Variants in BPNT1 observed in about 807,000 individuals in gnomAD.
BPNT1 encodes 3'(2'),5'-bisphosphate nucleotidase 1.
Under a neutral mutation model 36.9 loss-of-function variants are expected in BPNT1, and 28 were observed. The ratio of observed to expected loss-of-function variants is 0.76; its 90% CI spans 0.56 to 1.04. BPNT1 has a LOEUF of 1.04. BPNT1 is among the 50% of genes least tolerant of loss of function. BPNT1 has a pLI of 0.00. For synonymous variants in BPNT1, 119 were observed against 130.9 expected (o/e 0.91, Z 0.62); for missense variants, 313 against 372.9 (o/e 0.84, Z 1.32).
chr1:220,068,317 G>A (rs1223159891), intron 5 of BPNT1, among the ~76,000 whole-genome samples: 1 of 151,934 alleles, frequency 6.6e-6, no homozygotes, highest in African/African-American at 2.4e-5. Context: ...ACAAGTAGCT[G>A]GGATTACAGA....
At chr1:220,081,042 G>A (rs1229344096) in intron 1 of BPNT1, among the ~76,000 whole-genome samples, 1 of 152,188 alleles carries the variant, frequency 6.6e-6, no homozygotes, top group African/African-American at 2.4e-5. Context: ...TTGGCTCACT[G>A]CAACCTCTGC....
At chr1:220,078,224 T>C (rs1460414963) in intron 2 of BPNT1, among the ~76,000 whole-genome samples, 4 of 147,006 alleles carry the variant, frequency 2.7e-5, no homozygotes, top group South Asian at 2.1e-4. Context: ...ATAAAGAATT[T>C]AAGGATTAAA....
intron 1 of BPNT1, among the ~76,000 whole-genome samples, chr1:220,082,077 TATATATATAGAGAG>T (rs904492549): frequency 2.7e-5 from 3 of 110,258 alleles, no homozygotes; most frequent in African/African-American, 9.5e-5. Context: ...TATATATATA[TATATATATAGAGAG>T]AGAGAGAGAG....
At chr1:220,078,894 C>T (rs1664852855) in intron 2 of BPNT1, among the ~76,000 whole-genome samples, 1 of 152,064 alleles carries the variant, frequency 6.6e-6, no homozygotes, top group Non-Finnish European at 1.5e-5. Context: ...CGCACCCGGT[C>T]AGAAGATTGT....
chr1:220,062,726 C>G lies in BPNT1; in HGVS notation c.672+31G>C, dbSNP rs558660096. 3 of 1,609,166 alleles carry G rather than the reference C, an allele frequency of 1.9e-6. No individual in the cohort carries two copies. In the East Asian group the frequency reaches 6.7e-5, roughly 36 times the overall value. ...TGAGTATTTCAATGATTCACTTGCA[C>G]TTCAGAGCAGATGACAGACATTTTT... On this transcript the variant is annotated intron_variant, in intron 7 of 8. Transcript: ENST00000322067.
intron 6 of BPNT1, among the ~76,000 whole-genome samples, chr1:220,064,204 C>T (rs904449132): frequency 6.6e-6 from 1 of 152,212 alleles, no homozygotes; most frequent in Non-Finnish European, 1.5e-5. Flanking sequence ...AAGATTGGCT[C>T]ATCTGTCTTC....
At chr1:220,072,666 G>A (rs1010194382) in intron 4 of BPNT1, among the ~76,000 whole-genome samples, 184 bp downstream of exon 4, 17 of 152,180 alleles carry the variant, frequency 1.1e-4, no homozygotes, top group African/African-American at 4.1e-4. Context: ...CCCATAGGAT[G>A]AGAAACTGAA....
At chr1:220,069,770 T>C (rs771674685) in intron 4 of BPNT1, among the ~76,000 whole-genome samples, 3 of 152,018 alleles carry the variant, frequency 2.0e-5, no homozygotes, top group Non-Finnish European at 4.4e-5. Flanking sequence ...ACCCCATCTC[T>C]ACTAAAAATA....
intron 2 of BPNT1, 72 bp downstream of exon 2, chr1:220,079,655 T>C: frequency 6.3e-7 from 1 of 1,584,156 alleles, no homozygotes; most frequent in Non-Finnish European, 8.6e-7. Context: ...TCTGTCCACA[T>C]TTTTATATCA....
chr1:220,058,810 T>A lies in BPNT1; in HGVS notation c.*34A>T, dbSNP rs1431815979. ...TCCCAAAGTGCTGGGATTACAGGCA[T>A]GAGCCACCGCGCCCGGCCAAATGAA... On this transcript the variant is annotated 3_prime_UTR_variant, in exon 9 of 9. Coordinates refer to ENST00000322067, the MANE Select transcript of BPNT1 (RefSeq NM_006085.6). 1 of 1,604,348 alleles carries A rather than the reference T, an allele frequency of 6.2e-7. No individual in the cohort carries two copies. The highest frequency in any genetic ancestry group is 8.5e-7 in the Non-Finnish European group (1 of 1,172,378).
At chr1:220,065,146 G>T (rs1571739644) in intron 6 of BPNT1, among the ~76,000 whole-genome samples, 1 of 151,978 alleles carries the variant, frequency 6.6e-6, no homozygotes, top group East Asian at 1.9e-4. Context: ...CAGTTATTCT[G>T]GAAAAAAATA....
At chr1:220,061,258 C>A (rs1452537018) in intron 7 of BPNT1, among the ~76,000 whole-genome samples, 2 of 152,232 alleles carry the variant, frequency 1.3e-5, no homozygotes, top group South Asian at 4.1e-4. Flanking sequence ...ACTGAGATCA[C>A]TGCTAGAACT....
chr1:220,062,303 CCCA>C (rs1558076728), intron 7 of BPNT1, among the ~76,000 whole-genome samples: 1 of 125,136 alleles, frequency 8.0e-6, no homozygotes, highest in East Asian at 2.7e-4. Context: ...CTCCCCCCAC[CCCA>C]CAACAGTCCC....
intron 1 of BPNT1, among the ~76,000 whole-genome samples, chr1:220,081,517 T>G (rs1267886548): frequency 6.6e-6 from 1 of 151,538 alleles, no homozygotes; most frequent in Non-Finnish European, 1.5e-5. Context: ...CACTCTAGCC[T>G]GGGCGATAGA....
At chr1:220,061,346 T>A (rs1478583360) in intron 7 of BPNT1, among the ~76,000 whole-genome samples, 2 of 151,996 alleles carry the variant, frequency 1.3e-5, no homozygotes, top group Non-Finnish European at 2.9e-5. Flanking sequence ...GTAAAATAAT[T>A]ATTATTATAA....
intron 2 of BPNT1, among the ~76,000 whole-genome samples, chr1:220,076,887 C>T (rs923731764): frequency 1.3e-5 from 2 of 151,954 alleles, no homozygotes; most frequent in Admixed American, 1.3e-4. Context: ...CCTGTTATAT[C>T]CTGTTGGATT....
chr1:220,089,374 T>C (rs570600622), intron 1 of BPNT1, among the ~76,000 whole-genome samples: 1 of 152,228 alleles, frequency 6.6e-6, no homozygotes, highest in African/African-American at 2.4e-5. Context: ...GAAATGGCAG[T>C]TGGAAGAATA....
chr1:220,077,215 G>A (rs1175109445), intron 2 of BPNT1, among the ~76,000 whole-genome samples: 1 of 152,092 alleles, frequency 6.6e-6, no homozygotes, highest in Non-Finnish European at 1.5e-5. Context: ...CATGGCTCAG[G>A]ATGGGAGATG....
intron 7 of BPNT1, 28 bp from the exon 8 acceptor site, chr1:220,059,819 T>A: frequency 1.4e-6 from 2 of 1,469,522 alleles, no homozygotes; most frequent in South Asian, 1.3e-5. Flanking sequence ...AGAATTATCC[T>A]TTGATAATAG....
Sources: allele counts gnomAD v4.1 joint callset (sites outside exome capture counted in the v4.1 genomes callset), GRCh38; gene constraint gnomAD v4.1.1; transcripts MANE v1.5; gene names NCBI Gene and HGNC (gene_info 2026-07-23, HGNC 2026-07-21).